The following NISCH variants were observed in gnomAD, a reference collection of about 807,000 sequenced individuals.
NISCH encodes nischarin, also known as I-1 receptor candidate protein.
A neutral mutation model predicts 138.4 loss-of-function variants in NISCH; 55 were observed. That is an observed-to-expected ratio of 0.40 (90% CI 0.32 to 0.50). The LOEUF is 0.50. Ranked by LOEUF, NISCH falls within the 20% of genes least tolerant of loss-of-function variation. The pLI is 0.71. For missense variants in NISCH, 1,643 were observed against 2,005.5 expected, an observed-to-expected ratio of 0.82 and a Z score of 3.45; for synonymous variants, 860 against 861.5, an observed-to-expected ratio of 1.00 and a Z score of 0.03.
intron 13 of NISCH, chr3:52,481,373 T>C (rs1461558152): frequency 2.0e-6 from 2 of 988,746 alleles, no homozygotes; most frequent in African/African-American, 3.5e-5. Context: ...TGGAAGAGAA[T>C]TCCTGAGCGT....
intron 4 of NISCH, 83 bp downstream of exon 4, chr3:52,470,990 G>A: frequency 4.1e-6 from 6 of 1,461,254 alleles, no homozygotes; most frequent in Non-Finnish European, 5.8e-6. Context: ...TGGCATAGAA[G>A]TCACTCTGGA....
At chr3:52,483,047 G>C (rs1707316820) in intron 13 of NISCH, among the ~76,000 whole-genome samples, 1 of 152,242 alleles carries the variant, frequency 6.6e-6, no homozygotes, top group South Asian at 2.1e-4. Context: ...AAGGTGAATA[G>C]GAGTTGAACG....
rs1706925189 is a variant in NISCH, at chr3:52,470,873, C to T, written c.375C>T (p.Ile125=). The T allele has an allele frequency of 1.9e-6, 3 of 1,614,118 alleles. No homozygotes were observed. Among genetic ancestry groups the T allele is most frequent in the Non-Finnish European group, 2.5e-6 (3 of 1,180,012 alleles). The stretch of plus-strand genomic sequence containing the variant: ...GTTCTCTGCAGGAGATAAATGGCAT[C>T]ACCGCGGCACTGGCTGAAGAGCTCT... ...LHFHFYEING[I]TAALAEELFE... Residue 125 remains isoleucine (I), a synonymous_variant, in exon 4 of 21, where the codon ATC becomes ATT. Coordinates refer to ENST00000345716, the MANE Select transcript of NISCH (RefSeq NM_007184.4).
intron 1 of NISCH, among the ~76,000 whole-genome samples, chr3:52,456,011 G>A (rs1706455321): frequency 1.3e-5 from 2 of 151,158 alleles, no homozygotes; most frequent in Admixed American, 6.6e-5. Flanking sequence ...GGATAAAGGG[G>A]GCTTGGGGAG....
At chr3:52,482,152 TC>T (rs1213702266) in intron 13 of NISCH, among the ~76,000 whole-genome samples, 4 of 152,160 alleles carry the variant, frequency 2.6e-5, no homozygotes, top group Non-Finnish European at 5.9e-5. Flanking sequence ...TTTGGAGGCC[TC>T]CCCGTGTGTT....
intron 16 of NISCH, 32 bp downstream of exon 16, chr3:52,488,637 G>C (rs762460096): frequency 1.3e-6 from 2 of 1,553,426 alleles, no homozygotes. Context: ...AGGGGCCCCG[G>C]GGGCATGGGT....
At chr3:52,464,386 G>A (rs1433885749) in intron 3 of NISCH, among the ~76,000 whole-genome samples, 1 of 151,700 alleles carries the variant, frequency 6.6e-6, no homozygotes, top group Non-Finnish European at 1.5e-5. Flanking sequence ...GACAGAGTAA[G>A]ACTGTCTAAA....
In NISCH at chr3:52,473,787, C is replaced by T. The variant is rs183032337; in HGVS notation, c.723C>T (p.Thr241=). The change falls in exon 7 of 21, where the codon ACC becomes ACT. Residue 241 remains threonine, a synonymous_variant. Coordinates refer to ENST00000345716, the MANE Select transcript of NISCH (RefSeq NM_007184.4). ...HIRGLVASKP[T]LATLSVRFSA... ...GAGGGCTGGTCGCATCGAAGCCCAC[C>T]TTAGCCACGCTGAGTGTCCGCTTCT... 2.2e-3 allele frequency: 3,563 copies of T among 1,610,236 alleles called. 91 individuals carry two copies. Among genetic ancestry groups the T allele is most frequent in the Non-Finnish European group, 1.9e-4 (218 of 1,176,994 alleles).
At chr3:52,459,406 T>A (rs1025947969) in intron 3 of NISCH, among the ~76,000 whole-genome samples, 1 of 152,190 alleles carries the variant, frequency 6.6e-6, no homozygotes, top group Non-Finnish European at 1.5e-5. Context: ...TGTCAGACTT[T>A]AAGAAGGGCA....
Position 52,473,805 on chromosome 3 carries a change from C to T in NISCH, c.741C>T (p.Val247=), listed in dbSNP as rs1236826792. 6.2e-7 allele frequency: 1 copy of T among 1,609,064 alleles called. No individual in the cohort carries two copies. The highest frequency in any genetic ancestry group is 2.2e-5 in the East Asian group (1 of 44,688). ...ASKPTLATLS[V]RFSATSMKEV... is the part of the protein sequence containing the mutation. ...AGCCCACCTTAGCCACGCTGAGTGT[C>T]CGCTTCTCAGCAACCTCGATGAAGG... is the stretch of plus-strand genomic sequence containing the variant. The change falls in exon 7 of 21, where the codon GTC becomes GTT. Residue 247 remains valine (V), a synonymous_variant. Coordinates refer to ENST00000345716, the MANE Select transcript of NISCH (RefSeq NM_007184.4).
Position 52,473,361 on chromosome 3 carries a change from G to T in NISCH, c.670-373G>T, listed in dbSNP as rs561157153. 3.3e-5 allele frequency among the ~76,000 whole-genome samples: 5 copies of T among 152,294 alleles called. No homozygotes were observed. The East Asian group carries it at 9.6e-4, about 29-fold the overall frequency. ...ACAAGACAGCTCAGTTCCATGGAGT[G>T]GGGGCTGGGTGAACAGGAGGATCCA... On this transcript the variant is annotated intron_variant, in intron 6 of 20. Coordinates refer to ENST00000345716, the MANE Select transcript of NISCH (RefSeq NM_007184.4).
At position 52,491,372 on chromosome 3, in the gene NISCH, G is replaced by C. The variant is rs775078658; in HGVS notation, c.3763G>C (p.Val1255Leu). ...RLTGSTPMQV[V>L]TCLTRDSYLT... ...TGCAGGTTCCACCCCGATGCAGGTGGTCACGTGCTTGACGCGGGACAGCTA... is the reference window on the plus strand; with the variant it reads ...TGCAGGTTCCACCCCGATGCAGGTGCTCACGTGCTTGACGCGGGACAGCTA... The change falls in exon 20 of 21, where the codon GTC becomes CTC. Residue 1255 changes from valine (V) to leucine (L), a missense_variant. Transcript: ENST00000345716. The C allele has an allele frequency of 3.7e-6, 6 of 1,612,622 alleles. No individual in the cohort carries two copies. Among genetic ancestry groups the C allele is most frequent in the Non-Finnish European group, 5.1e-6 (6 of 1,179,640 alleles).
intron 12 of NISCH, 45 bp from the exon 13 acceptor site, chr3:52,480,139 G>T: frequency 6.2e-7 from 1 of 1,610,892 alleles, no homozygotes; most frequent in South Asian, 1.1e-5. Context: ...GGGGAGCTCT[G>T]TGCTTCCTCT....
intron 3 of NISCH, 107 bp downstream of exon 3, chr3:52,458,951 C>A: frequency 1.1e-6 from 1 of 948,978 alleles, no homozygotes; most frequent in South Asian, 1.9e-5. Flanking sequence ...GGGGTTTGAC[C>A]CTAGGTTAGA....
At chr3:52,478,384 C>T (rs1490580019) in intron 10 of NISCH, 65 bp from the exon 11 acceptor site, 13 of 1,607,952 alleles carry the variant, frequency 8.1e-6, no homozygotes, top group East Asian at 2.2e-5. Flanking sequence ...GACCATGAAA[C>T]GTGTTGGCGT....
At chr3:52,456,218 G>A (rs1348275019) in intron 1 of NISCH, among the ~76,000 whole-genome samples, 2 of 152,060 alleles carry the variant, frequency 1.3e-5, no homozygotes, top group East Asian at 3.9e-4. Flanking sequence ...GGAGCCTGAG[G>A]TGGTGGTTGA....
intron 13 of NISCH, among the ~76,000 whole-genome samples, chr3:52,483,232 T>C (rs1404323230): frequency 6.6e-6 from 1 of 152,168 alleles, no homozygotes; most frequent in Non-Finnish European, 1.5e-5. Flanking sequence ...GCCTCGCTTG[T>C]GGGCAGAGGA....
Position 52,487,276 on chromosome 3 carries a change from A to T in NISCH, c.1784A>T (p.Tyr595Phe), listed in dbSNP as rs1238771483. 1.2e-6 allele frequency: 2 copies of T among 1,614,146 alleles called. No individual in the cohort carries two copies. The highest frequency in any genetic ancestry group is 2.7e-5 in the African/African-American group (2 of 75,058). Residue 595 changes from tyrosine (Y) to phenylalanine (F), a missense_variant, in exon 16 of 21, where the codon TAC becomes TTC. Transcript: ENST00000345716. This position sits in a 1 kb window ranked among gnomAD's most constrained non-coding sequence, Gnocchi z 9.1. Reference protein sequence around the residue: ...IIFLPFTCIGYTATNQDFIQR... With the variant: ...IIFLPFTCIGFTATNQDFIQR... ...TTCCTGCCCTTCACCTGCATTGGCT[A>T]CACGGCCACCAATCAGGACTTCATC...
chr3:52,477,929 G>A lies in NISCH; in HGVS notation c.988-168G>A, dbSNP rs534347696. ...CTGTCTGCAGGGGTGCCACTGTGCTGTGGCATGTGCGGCAGAGAAGAGGGA... is the reference window on the plus strand; with the variant it reads ...CTGTCTGCAGGGGTGCCACTGTGCTATGGCATGTGCGGCAGAGAAGAGGGA... On this transcript the variant is annotated intron_variant, in intron 9 of 20. Transcript: ENST00000345716. 4.0e-6 allele frequency: 3 copies of A among 746,006 alleles called. No homozygotes were observed. The East Asian group carries it at 7.6e-5, about 19-fold the overall frequency. The allele number at this position is 746,006 out of a possible 1,614,324, so 46.2% of individuals were successfully genotyped here.
Sources: gnomAD v4.1 joint callset for allele counts (sites outside exome capture counted in the v4.1 genomes callset) on GRCh38, gnomAD v4.1.1 for gene constraint, Gnocchi (gnomAD v3.1) non-coding constraint, MANE v1.5 for transcripts, NCBI Gene and HGNC (gene_info 2026-07-23, HGNC 2026-07-21) for gene names.